PSEN2: variants seen among roughly 807,000 people sequenced by gnomAD.
The protein encoded by PSEN2 is presenilin-2.
In PSEN2, 32 loss-of-function variants were observed where a neutral mutation model predicts 49.1. That is an observed-to-expected ratio of 0.65 (90% CI 0.49 to 0.88). The LOEUF (loss-of-function observed/expected upper bound fraction) is 0.88. PSEN2 is among the 40% of genes least tolerant of loss of function. The pLI, the probability that PSEN2 is intolerant of heterozygous loss-of-function variation, is 0.00. For missense variants in PSEN2, 522 were observed against 586.9 expected, an observed-to-expected ratio of 0.89 and a Z score of 1.14; for synonymous variants, 255 against 244.0, an observed-to-expected ratio of 1.05 and a Z score of -0.42.
chr1:226,903,282 C>T (rs534620823), intron 12 of PSEN2, among the ~76,000 whole-genome samples: 1 of 152,244 alleles, frequency 6.6e-6, no homozygotes, highest in Non-Finnish European at 1.5e-5. Context: ...TAAGAAAACC[C>T]CCCATGCTTT....
At chr1:226,885,792 AC>A in intron 6 of PSEN2, 113 bp downstream of exon 6, 1 of 1,363,960 alleles carries the variant, frequency 7.3e-7, no homozygotes, top group Non-Finnish European at 1.0e-6. Flanking sequence ...AGGAAAATAG[AC>A]CCAGATTTTT....
At chr1:226,901,157 T>C (rs956054837), downstream of PSEN2, among the ~76,000 whole-genome samples, 1 of 152,118 alleles carries the variant, frequency 6.6e-6, no homozygotes, top group African/African-American at 2.4e-5. Flanking sequence ...CCCAACAGGC[T>C]ACGCACGGTG....
rs200177715 is a variant in PSEN2 at position 226,891,262 on chromosome 1, T to C, written c.887-16T>C. 8 of 1,612,142 alleles carry C rather than the reference T, an allele frequency of 5.0e-6. No individual in the cohort carries two copies. In the South Asian group the frequency reaches 7.7e-5, roughly 16 times the overall value. On this transcript the variant is annotated splice_polypyrimidine_tract_variant and intron_variant, in intron 9 of 12. Coordinates refer to ENST00000366783, the MANE Select transcript of PSEN2 (RefSeq NM_000447.3). The stretch of plus-strand genomic sequence containing the variant: ...GTTAGCACCGCCTGAGATGTGAACC[T>C]TTTCTCCTCCCCCAGCTGCCATGGT...
rs758259518 is a variant in PSEN2 at position 226,891,769 on chromosome 1, G to C, written c.997G>C (p.Glu333Gln). Residue 333 changes from glutamate to glutamine, a missense_variant, in exon 11 of 13, where the codon GAG (glutamate) becomes CAG (glutamine). By Grantham distance (29) the Glu-to-Gln change is conservative. Coordinates refer to ENST00000366783, the MANE Select transcript of PSEN2 (RefSeq NM_000447.3). ...MEEDSYDSFG[E>Q]PSYPEVFEPP... ...AGAAGACTCCTATGACAGTTTTGGG[G>C]AGCCTTCATACCCCGAAGTCTTTGA... 2 of 1,614,124 alleles carry C rather than the reference G, an allele frequency of 1.2e-6. No homozygotes were observed. Among genetic ancestry groups the C allele is most frequent in the Non-Finnish European group, 1.7e-6 (2 of 1,179,994 alleles).
chr1:226,885,605 AC>A lies in PSEN2; in HGVS notation c.427del (p.Leu143SerfsTer3), dbSNP rs1558146898. On this transcript the variant is annotated frameshift_variant, in exon 6 of 13. Coordinates refer to ENST00000366783, the MANE Select transcript of PSEN2 (RefSeq NM_000447.3). LOFTEE classifies it high-confidence loss of function. The part of the protein sequence containing the change: ...GQRLLNSVLN[T>X]LIMISVIVVM... Reference sequence around the variant, plus strand: ...GCGCCTCCTCAACTCCGTGCTGAACACCCTCATCATGATCAGCGTCATCGTG... The same window carrying A: ...GCGCCTCCTCAACTCCGTGCTGAACACCTCATCATGATCAGCGTCATCGTG... 3.1e-6 allele frequency: 5 copies of A among 1,612,750 alleles called. 1 individual carries two copies. The South Asian group carries it at 5.5e-5, about 18-fold the overall frequency.
At chr1:226,889,557 G>A (rs1023454713) in intron 8 of PSEN2, among the ~76,000 whole-genome samples, 1 of 152,220 alleles carries the variant, frequency 6.6e-6, no homozygotes, top group African/African-American at 2.4e-5. Flanking sequence ...TTACAGGCAT[G>A]AGCCACTACA....
intron 12 of PSEN2, 32 bp downstream of exon 12, chr1:226,894,157 G>GT (rs1558154401): frequency 6.3e-7 from 1 of 1,576,536 alleles, no homozygotes; most frequent in Non-Finnish European, 8.7e-7. Flanking sequence ...CAGCTGCCTC[G>GT]TGGTGGGGGC....
At chr1:226,894,789 A>AT (rs1662016236) in intron 12 of PSEN2, among the ~76,000 whole-genome samples, 1 of 152,216 alleles carries the variant, frequency 6.6e-6, no homozygotes, top group Non-Finnish European at 1.5e-5. Flanking sequence ...ATTAAGGTTG[A>AT]TGCTCCAGTG....
At chr1:226,876,220 A>G (rs1177781702) in intron 3 of PSEN2, among the ~76,000 whole-genome samples, 1 of 152,110 alleles carries the variant, frequency 6.6e-6, no homozygotes, top group Non-Finnish European at 1.5e-5. Context: ...CCCTCCAAGG[A>G]TTTCAGAGCA....
intron 3 of PSEN2, chr1:226,880,519 GGACAGCGATCACTCAGCCTCTGGACA>G (rs1558141925): frequency 2.5e-5 from 34 of 1,364,894 alleles, no homozygotes; most frequent in South Asian, 4.2e-5. Context: ...CTCAGCCTCT[GGACAGCGATCACTCAGCCTCTGGACA>G]GACAGCGATC....
chr1:226,881,758 G>A, intron 3 of PSEN2, 130 bp from the exon 4 acceptor site: 1 of 965,586 alleles, frequency 1.0e-6, no homozygotes, highest in African/African-American at 1.6e-5. Flanking sequence ...TGATTGACAG[G>A]CATCTCTTGG....
At chr1:226,894,364 C>G (rs1178593564) in intron 12 of PSEN2, among the ~76,000 whole-genome samples, 1 of 152,202 alleles carries the variant, frequency 6.6e-6, no homozygotes, top group Non-Finnish European at 1.5e-5. Context: ...GAGGAGTGTA[C>G]CGGCCCCAGC....
At chr1:226,881,566 A>G (rs1295638) in intron 3 of PSEN2, among the ~76,000 whole-genome samples, 73,858 of 152,064 alleles carry the variant, frequency 0.49, 18,350 homozygotes, top group Middle Eastern at 0.65. Flanking sequence ...TTGGTGCATA[A>G]TAGATGCACC....
intron 11 of PSEN2, among the ~76,000 whole-genome samples, chr1:226,892,471 A>G (rs1018209528): frequency 2.6e-5 from 4 of 152,182 alleles, no homozygotes; most frequent in African/African-American, 9.7e-5. Flanking sequence ...CTAACACCCA[A>G]TGCCAGCCCA....
rs200210453 is a variant in PSEN2, at chr1:226,888,143, C to T, written c.551C>T (p.Thr184Ile). The change falls in exon 7 of 13, where the codon ACC (threonine) becomes ATC (isoleucine). Residue 184 changes from threonine to isoleucine, a missense_variant. Coordinates refer to ENST00000366783, the MANE Select transcript of PSEN2 (RefSeq NM_000447.3). ...TCACTGATGCTGCTGTTCCTCTTCA[C>T]CTATATCTACCTTGGGTAAGTGACA... The part of the protein sequence containing the change: ...MSSLMLLFLF[T>I]YIYLGEVLKT... 6.2e-7 allele frequency: 1 copy of T among 1,613,114 alleles called. No homozygotes were observed. Among genetic ancestry groups the T allele is most frequent in the Non-Finnish European group, 8.5e-7 (1 of 1,179,090 alleles).
intron 3 of PSEN2, among the ~76,000 whole-genome samples, chr1:226,875,995 C>A (rs1057413808): frequency 6.6e-6 from 1 of 152,182 alleles, no homozygotes; most frequent in Non-Finnish European, 1.5e-5. Context: ...TGCCTCTCTG[C>A]ATTTTCCTGC....
intron 3 of PSEN2, among the ~76,000 whole-genome samples, chr1:226,880,961 A>G (rs1277312604): frequency 6.6e-6 from 1 of 152,060 alleles, no homozygotes; most frequent in Non-Finnish European, 1.5e-5. Context: ...AGACACTCAA[A>G]GGGTGAAATT....
rs756475732 is a variant in PSEN2, at chr1:226,874,514, C to A, written c.-206-851C>A. On this transcript the variant is annotated intron_variant, in intron 2 of 12. Transcript: ENST00000366783. ...CGTGGCCATAGTGCCTGGGGCTGGG[C>A]CGGGAATGGAAACTTGATCTCTGGG... Among the ~76,000 whole-genome samples the A allele has an allele frequency of 1.3e-3, 193 of 152,220 alleles. No homozygotes were observed. The Middle Eastern group carries it at 0.014, about 11-fold the overall frequency.
intron 3 of PSEN2, among the ~76,000 whole-genome samples, chr1:226,876,355 G>A (rs1315574928): frequency 6.6e-6 from 1 of 152,194 alleles, no homozygotes; most frequent in Non-Finnish European, 1.5e-5. Context: ...GAGGGGCTGA[G>A]GGACAAATGA....
Sources: gnomAD v4.1 joint callset for allele counts (sites outside exome capture counted in the v4.1 genomes callset) on GRCh38, gnomAD v4.1.1 for gene constraint, MANE v1.5 for transcripts, NCBI Gene and HGNC (gene_info 2026-07-23, HGNC 2026-07-21) for gene names.